The following NAALADL2 variants were observed in gnomAD, a reference collection of about 807,000 sequenced individuals.
NAALADL2 encodes the protein inactive N-acetylated-alpha-linked acidic dipeptidase-like protein 2.
In NAALADL2, 76 loss-of-function variants were observed where a neutral mutation model predicts 87.2. That is an observed-to-expected ratio of 0.87 (90% confidence interval 0.72 to 1.05). The LOEUF (loss-of-function observed/expected upper bound fraction) is 1.05, where lower values mean the gene tolerates loss of function less well. Ranked by LOEUF, NAALADL2 falls within the 50% of genes least tolerant of loss-of-function variation. The pLI, the probability that NAALADL2 is intolerant of heterozygous loss-of-function variation, is 0.00. For synonymous variants in NAALADL2, 354 were observed against 331.0 expected (o/e 1.07, Z -0.75); for missense variants, 1,089 against 945.8 (o/e 1.15, Z -1.99).
chr3:175,548,589 T>A (rs1407099452), intron 9 of NAALADL2, among the ~76,000 whole-genome samples: 1 of 152,030 alleles, frequency 6.6e-6, no homozygotes, highest in African/African-American at 2.4e-5. Context: ...CAGATATCGT[T>A]GGAATAGTTG....
chr3:174,833,035 C>T (rs1192261810), intron 3 of NAALADL2, among the ~76,000 whole-genome samples: 3 of 152,218 alleles, frequency 2.0e-5, no homozygotes, highest in Admixed American at 2.0e-4. Context: ...CCCATTCTAC[C>T]CCACTTCCTT....
chr3:175,180,169 A>G (rs1736255265), intron 2 of NAALADL2, among the ~76,000 whole-genome samples: 1 of 151,972 alleles, frequency 6.6e-6, no homozygotes, highest in Non-Finnish European at 1.5e-5. Context: ...AGATAACTGA[A>G]TTCGGTTGAA....
chr3:174,984,687 C>T (rs375883308), intron 1 of NAALADL2, among the ~76,000 whole-genome samples: 1 of 151,948 alleles, frequency 6.6e-6, no homozygotes, highest in Admixed American at 6.6e-5. Context: ...AAACTTTAAG[C>T]TCCTGAAATT....
At chr3:175,557,799 A>G (rs1168095629) in intron 9 of NAALADL2, among the ~76,000 whole-genome samples, 1 of 152,180 alleles carries the variant, frequency 6.6e-6, no homozygotes, top group Non-Finnish European at 1.5e-5. Flanking sequence ...CTAAGGTGAT[A>G]TGATACCACA....
intron 1 of NAALADL2, among the ~76,000 whole-genome samples, chr3:175,017,418 G>T (rs541543328): frequency 2.4e-4 from 36 of 152,186 alleles, no homozygotes; most frequent in African/African-American, 8.7e-4. Context: ...CCAGGGATTT[G>T]AATCTGTCCA....
chr3:175,424,468 T>C (rs1381670276), intron 5 of NAALADL2, among the ~76,000 whole-genome samples: 1 of 152,208 alleles, frequency 6.6e-6, no homozygotes, highest in East Asian at 1.9e-4. Flanking sequence ...GTTTCAGCTT[T>C]CTACATATGG....
At chr3:174,816,386 A>G (rs2902074) in intron 3 of NAALADL2, among the ~76,000 whole-genome samples, 60 of 143,280 alleles carry the variant, frequency 4.2e-4, no homozygotes, top group South Asian at 9.3e-4. Context: ...AGATATATAT[A>G]TGTGTGTGTG....
intron 11 of NAALADL2, among the ~76,000 whole-genome samples, chr3:175,733,494 C>G (rs1366578297): frequency 1.3e-5 from 2 of 152,166 alleles, no homozygotes; most frequent in Admixed American, 6.5e-5. Flanking sequence ...GGGTCCTTCC[C>G]ACAACATGTG....
intron 2 of NAALADL2, among the ~76,000 whole-genome samples, chr3:174,585,834 A>C (rs935712774): frequency 6.6e-6 from 1 of 152,196 alleles, no homozygotes; most frequent in Admixed American, 6.5e-5. Flanking sequence ...TTAAGAGCAC[A>C]GACTCTGGAG....
At chr3:175,052,828 G>T (rs1755593456) in intron 1 of NAALADL2, among the ~76,000 whole-genome samples, 1 of 152,144 alleles carries the variant, frequency 6.6e-6, no homozygotes, top group Non-Finnish European at 1.5e-5. Flanking sequence ...ATTTGAGGTT[G>T]AGGTGCCACT....
intron 1 of NAALADL2, among the ~76,000 whole-genome samples, chr3:174,532,845 G>T (rs1377606364): frequency 1.3e-5 from 2 of 151,968 alleles, no homozygotes; most frequent in Non-Finnish European, 2.9e-5. Context: ...TTGAGGATTT[G>T]GAGGGTCATG....
At chr3:175,080,118 A>T (rs1717492858) in intron 1 of NAALADL2, among the ~76,000 whole-genome samples, 2 of 152,100 alleles carry the variant, frequency 1.3e-5, no homozygotes, top group Admixed American at 6.5e-5. Context: ...GGCGCCCGCC[A>T]CGGCGCCCGG....
chr3:175,646,093 C>T (rs138664144), intron 11 of NAALADL2, among the ~76,000 whole-genome samples: 1,528 of 152,090 alleles, frequency 0.01, 24 homozygotes, highest in African/African-American at 0.032. Context: ...TAATTATAAA[C>T]GGAAATATAA....
Position 174,511,625 on chromosome 3 carries a change from G to A in NAALADL2, c.-183-38944G>A, listed in dbSNP as rs568659870. ...TGACAAGCTCTGCCTTTTAATTAGA[G>A]TATTTAGACCATTTAATTTCCATGT... On this transcript the variant is annotated intron_variant, in intron 1 of 3. Coordinates refer to the NAALADL2 transcript ENST00000434257. Among the ~76,000 whole-genome samples the A allele has an allele frequency of 6.6e-5, 10 of 151,148 alleles. No homozygotes were observed. In the South Asian group the frequency reaches 1.0e-3, roughly 16 times the overall value.
At chr3:175,059,308 A>T (rs1351648529) in intron 1 of NAALADL2, 1 of 149,766 alleles carries the variant, frequency 6.7e-6, no homozygotes, top group Non-Finnish European at 1.5e-5. Flanking sequence ...GTGTTTATTT[A>T]TTTTTTTTTC....
chr3:175,009,906 T>C (rs1009708341), intron 1 of NAALADL2, among the ~76,000 whole-genome samples: 1 of 152,032 alleles, frequency 6.6e-6, no homozygotes, highest in African/African-American at 2.4e-5. Context: ...TAATATTATG[T>C]AATGAAAGAA....
intron 10 of NAALADL2, among the ~76,000 whole-genome samples, chr3:175,578,146 A>G (rs928359996): frequency 6.6e-6 from 1 of 152,090 alleles, no homozygotes; most frequent in Non-Finnish European, 1.5e-5. Flanking sequence ...CAAAATAAGA[A>G]TAGGTGCAAC....
At chr3:175,259,992 C>T (rs192412875) in intron 4 of NAALADL2, among the ~76,000 whole-genome samples, 2 of 151,892 alleles carry the variant, frequency 1.3e-5, no homozygotes, top group Non-Finnish European at 2.9e-5. Flanking sequence ...TTCACCACTG[C>T]ACTCCAGCCT....
chr3:175,678,509 T>A (rs1007564903), intron 11 of NAALADL2, among the ~76,000 whole-genome samples: 4 of 152,046 alleles, frequency 2.6e-5, no homozygotes, highest in African/African-American at 9.7e-5. Flanking sequence ...ATTAAGAAAA[T>A]GTGGCACAGA....
Sources: gnomAD v4.1 joint callset for allele counts (sites outside exome capture counted in the v4.1 genomes callset) on GRCh38, gnomAD v4.1.1 for gene constraint, MANE v1.5 for transcripts, NCBI Gene and HGNC (gene_info 2026-07-23, HGNC 2026-07-21) for gene names.